The following PRTG variants were observed in gnomAD, a reference collection of about 807,000 sequenced individuals.
PRTG encodes immunoglobulin superfamily, DCC subclass, member 5.
PRTG carries 67 observed loss-of-function variants against 122.5 expected under a neutral mutation model. The ratio of observed to expected loss-of-function variants is 0.55; its 90% CI spans 0.45 to 0.67. The LOEUF is 0.67. Ranked by LOEUF, PRTG falls within the 30% of genes least tolerant of loss-of-function variation. The pLI is 0.00. For synonymous variants in PRTG, 554 were observed against 501.1 expected (o/e 1.11, Z -1.41); for missense variants, 1,435 against 1,415.4 (o/e 1.01, Z -0.22).
intron 11 of PRTG, among the ~76,000 whole-genome samples, chr15:55,649,685 G>C (rs1040026536): frequency 2.0e-5 from 3 of 151,938 alleles, no homozygotes; most frequent in Non-Finnish European, 4.4e-5. Flanking sequence ...CCAGCTACTC[G>C]GGTGGCTGAG....
At chr15:55,628,716 T>G in intron 16 of PRTG, 106 bp downstream of exon 16, 2 of 855,358 alleles carry the variant, frequency 2.3e-6, no homozygotes, top group East Asian at 5.0e-5. Context: ...CTTACGGAAC[T>G]GAGAGCCGGT....
rs915985982 is a variant in PRTG at position 55,620,394 on chromosome 15, G to A, written c.3199-128C>T. 2.0e-6 allele frequency: 3 copies of A among 1,480,664 alleles called. No individual in the cohort carries two copies. In the African/African-American group the frequency reaches 4.2e-5, roughly 21 times the overall value. The allele number at this position is 1,480,664 out of a possible 1,614,324, so 91.7% of individuals were successfully genotyped here. On this transcript the variant is annotated intron_variant, in intron 19 of 19. Transcript: ENST00000389286. The stretch of plus-strand genomic sequence containing the variant: ...ACCCGTGGCAAGCGAAGTGTCAAAA[G>A]CTTCTTCAGTGCTTCTGATGCACGC...
intron 11 of PRTG, among the ~76,000 whole-genome samples, chr15:55,668,605 A>C (rs1347873197): frequency 6.6e-6 from 1 of 152,228 alleles, no homozygotes; most frequent in Non-Finnish European, 1.5e-5. Context: ...ACAAAGTCTC[A>C]AACTACCACT....
intron 12 of PRTG, chr15:55,640,109 A>T (rs1375592800): frequency 1.4e-5 from 4 of 291,834 alleles, no homozygotes; most frequent in Non-Finnish European, 2.0e-5. Context: ...TGTGGCTGTC[A>T]GAGTGCAGTT....
intron 3 of PRTG, among the ~76,000 whole-genome samples, 162 bp from the exon 4 acceptor site, chr15:55,682,659 G>A (rs1400706868): frequency 6.6e-6 from 1 of 151,684 alleles, no homozygotes; most frequent in East Asian, 1.9e-4. Flanking sequence ...CTGTCTCCAG[G>A]GTTCAAGCGA....
At chr15:55,735,539 C>A (rs2031381935) in intron 2 of PRTG, among the ~76,000 whole-genome samples, 1 of 151,958 alleles carries the variant, frequency 6.6e-6, no homozygotes, top group Non-Finnish European at 1.5e-5. Context: ...CAAACGACCA[C>A]TGAGAGTGAG....
chr15:55,724,268 T>C (rs2030945045), intron 2 of PRTG, among the ~76,000 whole-genome samples: 1 of 152,196 alleles, frequency 6.6e-6, no homozygotes, highest in Non-Finnish European at 1.5e-5. Flanking sequence ...TTTTTGAGTG[T>C]AGTTGTGTTG....
rs774346670 is a variant in PRTG at position 55,679,412 on chromosome 15, A to G, written c.1007T>C (p.Leu336Ser). Reference sequence around the variant, plus strand: ...AGCAGTGCCAGCTCGAGGCCTTGTTAAACTTTCTGGCCATTCAACAAATGA... The same window carrying G: ...AGCAGTGCCAGCTCGAGGCCTTGTTGAACTTTCTGGCCATTCAACAAATGA... ...PPSFVEWPESLTRPRAGTARF... is the reference protein window; with the variant it reads ...PPSFVEWPESSTRPRAGTARF... Residue 336 changes from leucine (L) to serine (S), a missense_variant, in exon 7 of 20, where the codon TTA becomes TCA. Leu to Ser is a moderately radical substitution (Grantham distance 145, BLOSUM62 -2). Coordinates refer to ENST00000389286, the MANE Select transcript of PRTG (RefSeq NM_173814.6). 1 of 1,612,440 alleles carries G rather than the reference A, an allele frequency of 6.2e-7. No individual in the cohort carries two copies. The highest frequency in any genetic ancestry group is 1.7e-5 in the Admixed American group (1 of 59,856).
intron 11 of PRTG, among the ~76,000 whole-genome samples, chr15:55,666,208 T>G (rs1387523929): frequency 2.6e-5 from 4 of 152,240 alleles, no homozygotes; most frequent in African/African-American, 9.6e-5. Context: ...CACAGGTGAC[T>G]GGGCTTTTGC....
intron 11 of PRTG, among the ~76,000 whole-genome samples, chr15:55,665,521 T>A (rs2059434777): frequency 5.4e-5 from 8 of 147,278 alleles, no homozygotes; most frequent in Admixed American, 4.1e-4. Flanking sequence ...TTTTTTTTTT[T>A]AATCTTTCAG....
chr15:55,683,183 T>C (rs2059550593), intron 3 of PRTG, among the ~76,000 whole-genome samples: 1 of 151,332 alleles, frequency 6.6e-6, no homozygotes, highest in Non-Finnish European at 1.5e-5. Flanking sequence ...TATGTAGATA[T>C]GCTTTTTTTT....
At chr15:55,633,958 C>T (rs563628816) in intron 15 of PRTG, among the ~76,000 whole-genome samples, 2 of 152,070 alleles carry the variant, frequency 1.3e-5, no homozygotes, top group East Asian at 1.9e-4. Flanking sequence ...AACTGTAATC[C>T]CTTTCACTAC....
At chr15:55,721,537 T>C (rs2030823098) in intron 2 of PRTG, among the ~76,000 whole-genome samples, 2 of 152,210 alleles carry the variant, frequency 1.3e-5, no homozygotes, top group Admixed American at 6.5e-5. Context: ...TGTTTCTTAC[T>C]ACTATGCTTT....
At chr15:55,681,243 C>A (rs1259891563) in intron 4 of PRTG, 1 of 151,864 alleles carries the variant, frequency 6.6e-6, no homozygotes, top group African/African-American at 2.4e-5. Context: ...ATTTAATTTA[C>A]CTAAAATTAA....
intron 2 of PRTG, among the ~76,000 whole-genome samples, chr15:55,715,004 A>G (rs2252239): frequency 0.044 from 6,748 of 152,286 alleles, 294 homozygotes; most frequent in African/African-American, 0.11. Context: ...ATCAGAAAAT[A>G]TAATAAATTA....
intron 2 of PRTG, among the ~76,000 whole-genome samples, chr15:55,729,055 C>T (rs1202092722): frequency 2.6e-5 from 4 of 152,168 alleles, no homozygotes; most frequent in African/African-American, 9.7e-5. Context: ...AAAGACTGTA[C>T]ATTGAAAACT....
chr15:55,663,696 C>A (rs991646983), intron 11 of PRTG, among the ~76,000 whole-genome samples: 19 of 151,996 alleles, frequency 1.3e-4, no homozygotes, highest in African/African-American at 4.6e-4. Context: ...TACCAGCCAC[C>A]ACGTCTGGCT....
intron 2 of PRTG, among the ~76,000 whole-genome samples, chr15:55,729,171 T>C (rs944415579): frequency 1.3e-5 from 2 of 152,120 alleles, no homozygotes; most frequent in African/African-American, 2.4e-5. Context: ...ATCCACACAA[T>C]GTAATCTTAT....
Position 55,680,575 on chromosome 15 carries a change from T to A in PRTG, c.730A>T (p.Ile244Leu). The A allele has an allele frequency of 6.3e-7, 1 of 1,597,470 alleles. No homozygotes were observed. Among genetic ancestry groups the A allele is most frequent in the Non-Finnish European group, 8.5e-7 (1 of 1,171,164 alleles). The part of the protein sequence containing the change: ...TPTIIAGPQN[I>L]TTSLHQTVVL... Reference sequence around the variant, plus strand: ...ACAGTCTGATGAAGAGATGTTGTTATGTTCTGTGGACCTGCTATAATTGTT... The same window carrying A: ...ACAGTCTGATGAAGAGATGTTGTTAAGTTCTGTGGACCTGCTATAATTGTT... Residue 244 changes from isoleucine to leucine, a missense_variant, in exon 5 of 20, where the codon ATA becomes TTA. Physicochemically the swap from Ile to Leu is conservative, Grantham distance 5. Transcript: ENST00000389286.
Sources: allele counts gnomAD v4.1 joint callset (sites outside exome capture counted in the v4.1 genomes callset), GRCh38; gene constraint gnomAD v4.1.1; transcripts MANE v1.5; gene names NCBI Gene and HGNC (gene_info 2026-07-23, HGNC 2026-07-21).